The following SLC15A3 variants were observed in gnomAD, a reference collection of about 807,000 sequenced individuals.
The protein encoded by SLC15A3 is solute carrier family 15 member 3.
SLC15A3 carries 39 observed loss-of-function variants against 49.2 expected under a neutral mutation model. The ratio of observed to expected loss-of-function variants is 0.79; its 90% CI spans 0.61 to 1.04. The LOEUF is 1.04. Ranked by LOEUF, SLC15A3 falls within the 50% of genes least tolerant of loss-of-function variation. The pLI, the probability that SLC15A3 is intolerant of heterozygous loss-of-function variation, is 0.00. For synonymous variants in SLC15A3, 339 were observed against 367.0 expected, an observed-to-expected ratio of 0.92 and a Z score of 0.87; for missense variants, 758 against 794.8, an observed-to-expected ratio of 0.95 and a Z score of 0.56.
At position 60,951,265 on chromosome 11, in the gene SLC15A3, A is replaced by T. The variant is rs894634996; in HGVS notation, c.287T>A (p.Val96Glu). The part of the protein sequence containing the change: ...LAPVGGWLAD[V>E]YLGRYRAVAL... ...GACCGCGCGGTAGCGGCCCAGGTACACGTCGGCCAGCCAGCCGCCCACGGG... is the reference window on the plus strand; with the variant it reads ...GACCGCGCGGTAGCGGCCCAGGTACTCGTCGGCCAGCCAGCCGCCCACGGG... The change falls in exon 1 of 8, where the codon GTG (valine) becomes GAG (glutamate). Residue 96 changes from valine (V) to glutamate (E), a missense_variant. Val to Glu is a moderately radical substitution (Grantham distance 121). Transcript: ENST00000227880. 1 of 1,515,066 alleles carries T rather than the reference A, an allele frequency of 6.6e-7. No individual in the cohort carries two copies. Among genetic ancestry groups the T allele is most frequent in the South Asian group, 1.2e-5 (1 of 80,888 alleles). The allele number at this position is 1,515,066 out of a possible 1,614,324, so 93.9% of individuals were successfully genotyped here.
At chr11:60,937,535 G>T in intron 7 of SLC15A3, 162 bp from the exon 8 acceptor site, 2 of 905,328 alleles carry the variant, frequency 2.2e-6, no homozygotes, top group Non-Finnish European at 3.5e-6. Flanking sequence ...ACTTCCTGAA[G>T]ATCTCCAGGG....
intron 5 of SLC15A3, 190 bp downstream of exon 5, chr11:60,940,932 C>T (rs1472014721): frequency 6.0e-6 from 3 of 499,974 alleles, no homozygotes; most frequent in Non-Finnish European, 1.0e-5. Context: ...GTTTCTTCTT[C>T]TGTCAAAATG....
chr11:60,946,437 A>G, intron 2 of SLC15A3, 95 bp downstream of exon 2: 1 of 1,382,212 alleles, frequency 7.2e-7, no homozygotes, highest in South Asian at 1.5e-5. Flanking sequence ...ACTGTAGCTG[A>G]ACCAGAATGT....
rs761847629 is a variant in SLC15A3, at chr11:60,941,298, G to A, written c.1108-8C>T. On this transcript the variant is annotated splice_polypyrimidine_tract_variant and splice_region_variant and intron_variant, in intron 4 of 7. Transcript: ENST00000227880. ...GAGCCAGGCTTCCGGGATCTGGGCA[G>A]GAGGAAGTCAGGAGAGGCAGGCTAG... The A allele has an allele frequency of 1.2e-6, 2 of 1,612,090 alleles. No homozygotes were observed. Among genetic ancestry groups the A allele is most frequent in the South Asian group, 2.2e-5 (2 of 90,576 alleles).
At chr11:60,937,795 C>A in intron 7 of SLC15A3, 75 bp downstream of exon 7, 2 of 1,536,346 alleles carry the variant, frequency 1.3e-6, no homozygotes, top group Admixed American at 2.0e-5. Flanking sequence ...AGAGTCAAAG[C>A]ACTTTAGCAG....
At chr11:60,941,393 C>T in intron 4 of SLC15A3, 103 bp from the exon 5 acceptor site, 1 of 1,207,786 alleles carries the variant, frequency 8.3e-7, no homozygotes, top group Non-Finnish European at 1.1e-6. Flanking sequence ...ACCCTGGGGT[C>T]CAGCTCCTTT....
At chr11:60,939,792 G>A in intron 5 of SLC15A3, 154 bp from the exon 6 acceptor site, 1 of 856,306 alleles carries the variant, frequency 1.2e-6, no homozygotes, top group Non-Finnish European at 1.8e-6. Flanking sequence ...GGGTGGAGGA[G>A]GGGGCCAAGA....
chr11:60,949,671 G>C (rs1488941933), intron 1 of SLC15A3, among the ~76,000 whole-genome samples: 1 of 152,242 alleles, frequency 6.6e-6, no homozygotes, highest in Non-Finnish European at 1.5e-5. Flanking sequence ...GAAACTGCTA[G>C]GTGCTGAATT....
rs759948912 is a variant in SLC15A3, at chr11:60,951,374, G to A, written c.178C>T (p.Leu60Phe). Reference protein sequence around the residue: ...FGVTANLVLYLNSTNFNWTGE... With the variant: ...FGVTANLVLYFNSTNFNWTGE... ...GTCCAGTTGAAGTTGGTGCTGTTGA[G>A]GTACAGCACGAGGTTGGCGGTGACG... is the stretch of plus-strand genomic sequence containing the variant. The change falls in exon 1 of 8, where the codon CTC (leucine) becomes TTC (phenylalanine). Residue 60 changes from leucine (L) to phenylalanine (F), a missense_variant. Leu to Phe is a conservative substitution (Grantham distance 22). Coordinates refer to ENST00000227880, the MANE Select transcript of SLC15A3 (RefSeq NM_016582.3). 6.4e-7 allele frequency: 1 copy of A among 1,553,608 alleles called. No homozygotes were observed. Among genetic ancestry groups the A allele is most frequent in the Admixed American group, 1.9e-5 (1 of 52,234 alleles).
At chr11:60,950,964 G>T (rs1441803295) in intron 1 of SLC15A3, 30 bp downstream of exon 1, 3 of 1,408,500 alleles carry the variant, frequency 2.1e-6, no homozygotes, top group Non-Finnish European at 9.2e-7. Context: ...ACCCGCCGGA[G>T]TATGCCGGGG....
At chr11:60,939,716 G>A in intron 5 of SLC15A3, 78 bp from the exon 6 acceptor site, 1 of 1,523,828 alleles carries the variant, frequency 6.6e-7, no homozygotes, top group Non-Finnish European at 8.9e-7. Context: ...GTACATGGTG[G>A]GGATGGGGTA....
At chr11:60,938,102 C>T (rs1856651172) in intron 6 of SLC15A3, 77 bp from the exon 7 acceptor site, 2 of 1,499,500 alleles carry the variant, frequency 1.3e-6, no homozygotes, top group Middle Eastern at 2.4e-4. Context: ...GCTTGCTGCC[C>T]CTGACCCTGC....
In SLC15A3 at chr11:60,943,743, CA is replaced by C. The variant is rs768530068; in HGVS notation, c.941del (p.Val314GlyfsTer8). 1 of 1,606,028 alleles carries C rather than the reference CA, an allele frequency of 6.2e-7. No individual in the cohort carries two copies. The highest frequency in any genetic ancestry group is 1.7e-5 in the Admixed American group (1 of 59,114). On this transcript the variant is annotated frameshift_variant, in exon 3 of 8. Coordinates refer to ENST00000227880, the MANE Select transcript of SLC15A3 (RefSeq NM_016582.3). LOFTEE classifies it high-confidence loss of function. ...GGGTCACCATGACGGGCAAGATCTT[CA>C]CCAGCACCTGGAAGTTGGCGATGTC... ...QEDIANFQVL[V>X]KILPVMVTLV...
chr11:60,937,324 G>C lies in SLC15A3; in HGVS notation c.1641C>G (p.Gly547=). The stretch of plus-strand genomic sequence containing the variant: ...ATAGGAGAGCCGTGACGGCCTGAAT[G>C]CCAGCCAGCAGGAAGAAGTAGAGGT... ...RMDLYFFLLA[G]IQAVTALLFV... Residue 547 remains glycine, a synonymous_variant, in exon 8 of 8, where the codon GGC becomes GGG. Transcript: ENST00000227880. 6.2e-7 allele frequency: 1 copy of C among 1,614,154 alleles called. No homozygotes were observed. Among genetic ancestry groups the C allele is most frequent in the Non-Finnish European group, 8.5e-7 (1 of 1,180,020 alleles).
At chr11:60,950,504 C>T (rs563992308) in intron 1 of SLC15A3, among the ~76,000 whole-genome samples, 71 of 152,214 alleles carry the variant, frequency 4.7e-4, no homozygotes, top group Non-Finnish European at 7.9e-4. Flanking sequence ...AAAAGACCAA[C>T]CTGCCTGGCG....
chr11:60,937,224 C>T lies in SLC15A3; in HGVS notation c.1741G>A (p.Gly581Ser), dbSNP rs774963789. The T allele has an allele frequency of 4.9e-5, 79 of 1,613,798 alleles. 1 individual carries two copies. In the South Asian group the frequency reaches 7.4e-4, roughly 15 times the overall value. The change falls in exon 8 of 8, where the codon GGC (glycine) becomes AGC (serine). Residue 581 changes from glycine (G) to serine (S), a missense_variant. Transcript: ENST00000227880. ...GGGGCTGGAATAGGGCCTGTTCAGC[C>T]CCTGTCCCTGCTGAAACGGCTGTGG... ...ASHSRFSRDR[G>S]
In SLC15A3 at chr11:60,951,249, G is replaced by A. The variant is rs1856915195; in HGVS notation, c.303C>T (p.Tyr101=). 3 of 1,514,426 alleles carry A rather than the reference G, an allele frequency of 2.0e-6. No individual in the cohort carries two copies. Among genetic ancestry groups the A allele is most frequent in the Non-Finnish European group, 2.6e-6 (3 of 1,134,794 alleles). 93.8% of individuals were successfully genotyped at this position (1,514,426 alleles called of 1,614,324 possible). The change falls in exon 1 of 8, where the codon TAC becomes TAT. Residue 101 remains tyrosine (Y), a synonymous_variant. Transcript: ENST00000227880. ...GCAGCAGGCTGAGCGCGACCGCGCGGTAGCGGCCCAGGTACACGTCGGCCA... is the reference window on the plus strand; with the variant it reads ...GCAGCAGGCTGAGCGCGACCGCGCGATAGCGGCCCAGGTACACGTCGGCCA... The part of the protein sequence containing the change: ...GWLADVYLGR[Y]RAVALSLLLY...
intron 1 of SLC15A3, 22 bp from the exon 2 acceptor site, chr11:60,946,843 C>G: frequency 3.1e-6 from 5 of 1,595,346 alleles, no homozygotes; most frequent in Non-Finnish European, 4.3e-6. Context: ...GAAGGGGTGA[C>G]AGTGAGGGCC....
Position 60,946,578 on chromosome 11 carries a change from C to A in SLC15A3, c.802G>T (p.Ala268Ser), listed in dbSNP as rs755912468. The change falls in exon 2 of 8, where the codon GCT becomes TCT. Residue 268 changes from alanine (A) to serine (S), a missense_variant. Physicochemically the swap from Ala to Ser is moderately conservative, Grantham distance 99. Around this residue, in one of 3 missense-constraint regions of SLC15A3, gnomAD observed 699 missense variants for 706.7 expected, o/e 0.99. Transcript: ENST00000227880. ...AGCTGGGGGCAGCAGTTTTGGAGAGCGAGCTTAAGCATAGAGGACACTTGG... is the reference window on the plus strand; with the variant it reads ...AGCTGGGGGCAGCAGTTTTGGAGAGAGAGCTTAAGCATAGAGGACACTTGG... ...GSQVSSMLKLALQNCCPQLWQ... is the reference protein window; with the variant it reads ...GSQVSSMLKLSLQNCCPQLWQ... 3 of 1,597,696 alleles carry A rather than the reference C, an allele frequency of 1.9e-6. No individual in the cohort carries two copies. Among genetic ancestry groups the A allele is most frequent in the African/African-American group, 1.3e-5 (1 of 74,540 alleles).
Sources: gnomAD v4.1 joint callset for allele counts (sites outside exome capture counted in the v4.1 genomes callset) on GRCh38, gnomAD v4.1.1 for gene constraint, gnomAD v4.1.1 regional missense constraint, MANE v1.5 for transcripts, NCBI Gene and HGNC (gene_info 2026-07-23, HGNC 2026-07-21) for gene names.